The following FUT9 variants were observed in gnomAD, a reference collection of about 807,000 sequenced individuals.
The protein encoded by FUT9 is fucosyltransferase 9, also known as 4-galactosyl-N-acetylglucosaminide 3-alpha-L-fucosyltransferase 9.
A neutral mutation model predicts 29.7 loss-of-function variants in FUT9; 15 were observed. The observed-to-expected ratio is 0.51, with a 90% CI of 0.34 to 0.78. The LOEUF is 0.78. FUT9 is among the 30% of genes least tolerant of loss of function. The pLI is 0.01. For synonymous variants in FUT9, 169 were observed against 153.7 expected, an observed-to-expected ratio of 1.10 and a Z score of -0.74; for missense variants, 319 against 425.4, an observed-to-expected ratio of 0.75 and a Z score of 2.20.
At chr6:96,152,745 G>A (rs778834980) in intron 2 of FUT9, among the ~76,000 whole-genome samples, 25 of 152,084 alleles carry the variant, frequency 1.6e-4, no homozygotes, top group Admixed American at 3.9e-4. Context: ...CTTTGCCTAC[G>A]AATATTCTGC....
intron 2 of FUT9, among the ~76,000 whole-genome samples, chr6:96,131,572 T>C (rs942788767): frequency 6.6e-6 from 1 of 152,130 alleles, no homozygotes; most frequent in African/African-American, 2.4e-5. Context: ...ATAGACAGCT[T>C]ATTCGCATTC....
chr6:96,018,066 T>C (rs1770009037), intron 1 of FUT9, among the ~76,000 whole-genome samples: 2 of 152,212 alleles, frequency 1.3e-5, no homozygotes, highest in Admixed American at 1.3e-4. Context: ...TAAGTAAATG[T>C]GGATAGCCGC....
intron 1 of FUT9, among the ~76,000 whole-genome samples, chr6:96,068,950 C>CA (rs1771006987): frequency 6.6e-6 from 1 of 152,040 alleles, no homozygotes; most frequent in Non-Finnish European, 1.5e-5. Context: ...ACTTTTTGTA[C>CA]GCAGATAATA....
intron 1 of FUT9, among the ~76,000 whole-genome samples, chr6:96,057,592 GCT>G (rs1024375129): frequency 1.3e-5 from 2 of 152,004 alleles, no homozygotes; most frequent in African/African-American, 4.8e-5. Flanking sequence ...GTTCTAAATT[GCT>G]CTCTCTCCAC....
chr6:96,076,588 A>G (rs943229903), intron 1 of FUT9, among the ~76,000 whole-genome samples: 3 of 152,250 alleles, frequency 2.0e-5, no homozygotes, highest in Admixed American at 6.5e-5. Flanking sequence ...TGCTGAGAAC[A>G]ACATATATAC....
At chr6:96,031,747 C>T (rs1770265801) in intron 1 of FUT9, among the ~76,000 whole-genome samples, 1 of 151,278 alleles carries the variant, frequency 6.6e-6, no homozygotes, top group Non-Finnish European at 1.5e-5. Flanking sequence ...GAAATTGGCC[C>T]CAAATTTAAA....
At chr6:96,174,656 T>G (rs9399806) in intron 2 of FUT9, among the ~76,000 whole-genome samples, 138,685 of 152,086 alleles carry the variant, frequency 0.91, 64,595 homozygotes, top group Non-Finnish European at 1. Flanking sequence ...GGTCTTGTTT[T>G]CCCCCAGTTC....
Position 96,178,817 on chromosome 6 carries a change from T to C in FUT9, c.-8-24331T>C, listed in dbSNP as rs116269770. On this transcript the variant is annotated intron_variant, in intron 2 of 2. Coordinates refer to ENST00000302103, the MANE Select transcript of FUT9 (RefSeq NM_006581.4). The stretch of plus-strand genomic sequence containing the variant: ...TCATTTAATATAATAAACACAGAGA[T>C]ATCCACTTCCCATCTCCCTTTTGCA... Among the ~76,000 whole-genome samples the C allele has an allele frequency of 4.5e-3, 678 of 152,254 alleles. 5 individuals are homozygous for C. Among genetic ancestry groups the C allele is most frequent in the African/African-American group, 0.016 (652 of 41,562 alleles).
chr6:96,161,999 T>C (rs1772913457), intron 2 of FUT9, among the ~76,000 whole-genome samples: 1 of 152,236 alleles, frequency 6.6e-6, no homozygotes, highest in Non-Finnish European at 1.5e-5. Flanking sequence ...CATTTTTGCA[T>C]TTCTGTTACA....
chr6:96,138,319 T>C (rs1022478037), intron 2 of FUT9, among the ~76,000 whole-genome samples: 8 of 152,184 alleles, frequency 5.3e-5, no homozygotes, highest in Admixed American at 4.6e-4. Context: ...AATTTTTGCT[T>C]GGTTTTTATT....
chr6:96,165,714 C>G (rs376777473), intron 2 of FUT9, among the ~76,000 whole-genome samples: 330 of 152,182 alleles, frequency 2.2e-3, no homozygotes, highest in African/African-American at 7.7e-3. Flanking sequence ...CTCCCAGGCT[C>G]AAGCCATTCT....
intron 1 of FUT9, among the ~76,000 whole-genome samples, chr6:96,075,364 A>G: frequency 6.6e-6 from 1 of 152,194 alleles, no homozygotes. Context: ...AGAAAACTTG[A>G]GAAACCATGG....
chr6:96,174,670 A>T (rs1403629191), intron 2 of FUT9, among the ~76,000 whole-genome samples: 1 of 152,128 alleles, frequency 6.6e-6, no homozygotes. Context: ...CCAGTTCATC[A>T]TTGTGCTTTT....
At chr6:96,141,165 T>C (rs1487354806) in intron 2 of FUT9, among the ~76,000 whole-genome samples, 1 of 152,236 alleles carries the variant, frequency 6.6e-6, no homozygotes, top group African/African-American at 2.4e-5. Flanking sequence ...AGCTATCCTT[T>C]AATGATAAGT....
intron 1 of FUT9, among the ~76,000 whole-genome samples, chr6:96,078,639 C>T (rs1414720304): frequency 5.9e-5 from 9 of 151,708 alleles, no homozygotes; most frequent in African/African-American, 1.9e-4. Context: ...CCAGGATGGT[C>T]TCTGTCTCCT....
rs75292799 is a variant in FUT9 at position 96,108,606 on chromosome 6, C to T, written c.-97-5433C>T. Reference sequence around the variant, plus strand: ...GGGTTCTCCAGCTCACCTTCACTGCCTTGTGCATGTCTTCCATTACACTCT... The same window carrying T: ...GGGTTCTCCAGCTCACCTTCACTGCTTTGTGCATGTCTTCCATTACACTCT... On this transcript the variant is annotated intron_variant, in intron 1 of 2. Coordinates refer to ENST00000302103, the MANE Select transcript of FUT9 (RefSeq NM_006581.4). Among the ~76,000 whole-genome samples the T allele has an allele frequency of 6.2e-3, 951 of 152,230 alleles. 16 individuals are homozygous for T. The highest frequency in any genetic ancestry group is 0.022 in the African/African-American group (912 of 41,548).
chr6:96,113,817 G>A (rs1051440024), intron 1 of FUT9, among the ~76,000 whole-genome samples: 2 of 145,618 alleles, frequency 1.4e-5, no homozygotes, highest in Non-Finnish European at 3.0e-5. Context: ...TCATGCCACT[G>A]CACTCCAGCC....
chr6:96,197,266 G>A (rs963559416), intron 2 of FUT9, among the ~76,000 whole-genome samples: 1 of 152,134 alleles, frequency 6.6e-6, no homozygotes, highest in Non-Finnish European at 1.5e-5. Context: ...GGAATATTTA[G>A]GAAAAGTGCT....
chr6:96,067,190 CTATGAATATATATATA>C (rs911187429), intron 1 of FUT9, among the ~76,000 whole-genome samples: 24 of 104,116 alleles, frequency 2.3e-4, no homozygotes, highest in Non-Finnish European at 4.8e-4. Context: ...ACTCATTAGG[CTATGAATATATATATA>C]TATGAATATA....
Sources: gnomAD v4.1 joint callset for allele counts (sites outside exome capture counted in the v4.1 genomes callset) on GRCh38, gnomAD v4.1.1 for gene constraint, MANE v1.5 for transcripts, NCBI Gene and HGNC (gene_info 2026-07-23, HGNC 2026-07-21) for gene names.